Variants in MLLT3 observed in about 807,000 individuals in gnomAD.
MLLT3 encodes protein AF-9.
Under a neutral mutation model 53.2 loss-of-function variants are expected in MLLT3, and 4 were observed. The ratio of observed to expected loss-of-function variants is 0.08; its 90% CI spans 0.04 to 0.17. The LOEUF (loss-of-function observed/expected upper bound fraction) is 0.17, where lower values mean the gene tolerates loss of function less well. MLLT3 is among the 10% of genes least tolerant of loss of function. The pLI, the probability that MLLT3 is intolerant of heterozygous loss-of-function variation, is 1.00. For synonymous variants in MLLT3, 283 were observed against 230.6 expected (o/e 1.23, Z -2.06); for missense variants, 569 against 684.0 (o/e 0.83, Z 1.87).
intron 2 of MLLT3, among the ~76,000 whole-genome samples, chr9:20,617,972 T>C (rs1443908651): frequency 6.6e-6 from 1 of 152,230 alleles, no homozygotes; most frequent in African/African-American, 2.4e-5. Context: ...CAATTCACTT[T>C]TCCAAACCAA....
rs972873475 is a variant in MLLT3, at chr9:20,363,523, G to A, written c.1284C>T (p.Asp428=). 3 of 1,614,090 alleles carry A rather than the reference G, an allele frequency of 1.9e-6. No individual in the cohort carries two copies. Among genetic ancestry groups the A allele is most frequent in the Non-Finnish European group, 2.5e-6 (3 of 1,179,974 alleles). ...ESDEVEDNDN[D]SEMERPVNRG... is the part of the protein sequence containing the mutation. ...TATTTACAGGCCTCTCCATTTCAGA[G>A]TCATTGTCGTTATCCTCCACTTCAT... Residue 428 remains aspartate, a synonymous_variant, in exon 7 of 11, where the codon GAC becomes GAT. Transcript: ENST00000380338.
intron 2 of MLLT3, among the ~76,000 whole-genome samples, chr9:20,513,382 T>C (rs1262232411): frequency 6.6e-6 from 1 of 152,104 alleles, no homozygotes; most frequent in Non-Finnish European, 1.5e-5. Context: ...ACATGTGAAA[T>C]ACCAGAAGCA....
chr9:20,393,312 A>G (rs1822235448), intron 5 of MLLT3, among the ~76,000 whole-genome samples: 2 of 152,210 alleles, frequency 1.3e-5, no homozygotes, highest in Admixed American at 1.3e-4. Context: ...TTTCAAATTC[A>G]ATTCCAGAGT....
intron 2 of MLLT3, among the ~76,000 whole-genome samples, chr9:20,540,137 G>C (rs1406174446): frequency 1.3e-5 from 2 of 152,188 alleles, no homozygotes. Context: ...CAAGGCCTTG[G>C]GCAGCTCTGC....
chr9:20,351,100 C>T (rs1025505398), intron 10 of MLLT3, among the ~76,000 whole-genome samples: 6 of 152,192 alleles, frequency 3.9e-5, no homozygotes, highest in African/African-American at 2.4e-5. Flanking sequence ...CTCCAATCTA[C>T]AAGGGGTGCT....
intron 2 of MLLT3, among the ~76,000 whole-genome samples, chr9:20,529,445 G>C (rs1818275957): frequency 6.6e-6 from 1 of 152,114 alleles, no homozygotes; most frequent in Non-Finnish European, 1.5e-5. Flanking sequence ...AGCCAAATCA[G>C]AGTATGTTAG....
chr9:20,493,357 G>C (rs1825000810), intron 2 of MLLT3, among the ~76,000 whole-genome samples: 1 of 151,910 alleles, frequency 6.6e-6, no homozygotes, highest in Non-Finnish European at 1.5e-5. Flanking sequence ...AGGTTAATCT[G>C]ACCTATCCAA....
At chr9:20,541,801 C>T (rs757940180) in intron 2 of MLLT3, among the ~76,000 whole-genome samples, 3 of 152,100 alleles carry the variant, frequency 2.0e-5, no homozygotes, top group Non-Finnish European at 4.4e-5. Context: ...ATGAGATTGC[C>T]GAAATTCAGT....
intron 2 of MLLT3, among the ~76,000 whole-genome samples, chr9:20,458,035 A>C (rs536926724): frequency 6.6e-6 from 1 of 151,924 alleles, no homozygotes; most frequent in African/African-American, 2.4e-5. Context: ...ATTTCCCCCA[A>C]ATGTGCCCAG....
At chr9:20,586,134 T>G (rs547151033) in intron 2 of MLLT3, among the ~76,000 whole-genome samples, 1 of 151,982 alleles carries the variant, frequency 6.6e-6, no homozygotes, top group Admixed American at 6.6e-5. Context: ...CCGGGCAACA[T>G]AGCGAGGCTT....
At chr9:20,375,758 G>A (rs912353498) in intron 5 of MLLT3, among the ~76,000 whole-genome samples, 1 of 151,854 alleles carries the variant, frequency 6.6e-6, no homozygotes, top group African/African-American at 2.4e-5. Flanking sequence ...ACAGGCACCT[G>A]CCACCACGCC....
intron 2 of MLLT3, among the ~76,000 whole-genome samples, chr9:20,561,795 T>C (rs532873595): frequency 1.3e-5 from 2 of 152,326 alleles, no homozygotes; most frequent in African/African-American, 4.8e-5. Flanking sequence ...GAAAAACAAA[T>C]TATCTCTGCT....
chr9:20,587,582 G>A (rs1820007444), intron 2 of MLLT3, among the ~76,000 whole-genome samples: 1 of 152,114 alleles, frequency 6.6e-6, no homozygotes, highest in Admixed American at 6.5e-5. Flanking sequence ...CTATAATGTG[G>A]CTTTCAAATA....
chr9:20,553,372 G>C (rs143223369), intron 2 of MLLT3, among the ~76,000 whole-genome samples: 3 of 152,160 alleles, frequency 2.0e-5, no homozygotes, highest in South Asian at 2.1e-4. Context: ...ACATTTATTC[G>C]CAGATTCAAC....
At chr9:20,542,560 G>C (rs1818669044) in intron 2 of MLLT3, among the ~76,000 whole-genome samples, 1 of 152,158 alleles carries the variant, frequency 6.6e-6, no homozygotes, top group African/African-American at 2.4e-5. Flanking sequence ...TTTTAAAGGA[G>C]TCTTTTTTTT....
At chr9:20,515,873 C>T (rs1323410846) in intron 2 of MLLT3, among the ~76,000 whole-genome samples, 2 of 152,136 alleles carry the variant, frequency 1.3e-5, no homozygotes, top group African/African-American at 4.8e-5. Flanking sequence ...TAAGACTCTG[C>T]GGCTGGGGAG....
intron 4 of MLLT3, among the ~76,000 whole-genome samples, chr9:20,420,917 C>T (rs537003994): frequency 6.6e-6 from 1 of 152,232 alleles, no homozygotes; most frequent in African/African-American, 2.4e-5. Flanking sequence ...AGCTTTAAAA[C>T]ACCCCTTTTA....
intron 2 of MLLT3, among the ~76,000 whole-genome samples, chr9:20,497,382 G>A (rs1374646272): frequency 6.6e-6 from 1 of 152,090 alleles, no homozygotes; most frequent in Admixed American, 6.5e-5. Flanking sequence ...CCATAGTCAA[G>A]ATAAGGAACA....
At chr9:20,408,424 G>A (rs1469927632) in intron 5 of MLLT3, among the ~76,000 whole-genome samples, 2 of 152,048 alleles carry the variant, frequency 1.3e-5, no homozygotes, top group East Asian at 1.9e-4. Context: ...AGGGACAGGT[G>A]AAACATCTCC....
Sources: allele counts gnomAD v4.1 joint callset (sites outside exome capture counted in the v4.1 genomes callset), GRCh38; gene constraint gnomAD v4.1.1; transcripts MANE v1.5; gene names NCBI Gene and HGNC (gene_info 2026-07-23, HGNC 2026-07-21).